EFCAB11: variants seen among roughly 807,000 people sequenced by gnomAD.
EFCAB11 encodes EF-hand calcium binding domain 11.
EFCAB11 carries 14 observed loss-of-function variants against 23.0 expected under a neutral mutation model. The observed-to-expected ratio is 0.61, with a 90% CI of 0.40 to 0.95. The LOEUF (loss-of-function observed/expected upper bound fraction) is 0.95. Among genes scored for constraint, EFCAB11 ranks in the 40% least tolerant of loss-of-function variants. EFCAB11 has a pLI of 0.00. For missense variants in EFCAB11, 198 were observed against 195.8 expected (o/e 1.01, Z -0.07); for synonymous variants, 65 against 66.6 (o/e 0.98, Z 0.11).
chr14:89,845,802 T>G (rs1323404066), intron 5 of EFCAB11, among the ~76,000 whole-genome samples: 3 of 152,174 alleles, frequency 2.0e-5, no homozygotes, highest in East Asian at 1.9e-4. Context: ...GAGACGGATG[T>G]GCAGTCGGGA....
intron 5 of EFCAB11, among the ~76,000 whole-genome samples, chr14:89,818,917 G>C (rs1886418963): frequency 6.6e-6 from 1 of 152,190 alleles, no homozygotes; most frequent in African/African-American, 2.4e-5. Flanking sequence ...TTCACTGCTG[G>C]TAGAAATGAA....
At chr14:89,908,773 G>A (rs1889572795) in intron 5 of EFCAB11, among the ~76,000 whole-genome samples, 1 of 152,098 alleles carries the variant, frequency 6.6e-6, no homozygotes, top group South Asian at 2.1e-4. Flanking sequence ...CAATTGTGAA[G>A]TATCTAGGAT....
chr14:89,937,361 C>G (rs1434138953), intron 3 of EFCAB11, among the ~76,000 whole-genome samples: 1 of 152,086 alleles, frequency 6.6e-6, no homozygotes, highest in East Asian at 1.9e-4. Flanking sequence ...AATGTGTCCC[C>G]AAAGGATCTA....
intron 4 of EFCAB11, among the ~76,000 whole-genome samples, 162 bp downstream of exon 4, chr14:89,932,364 G>A (rs917416383): frequency 2.3e-4 from 35 of 152,100 alleles, no homozygotes; most frequent in African/African-American, 8.0e-4. Context: ...AAGAAATCAC[G>A]ACGGAGAAAA....
chr14:89,933,971 T>G (rs748014099), intron 3 of EFCAB11, among the ~76,000 whole-genome samples: 6 of 152,118 alleles, frequency 3.9e-5, no homozygotes, highest in Non-Finnish European at 7.3e-5. Context: ...GAACAGCCTG[T>G]GCCGAGGCTG....
intron 3 of EFCAB11, among the ~76,000 whole-genome samples, chr14:89,939,665 T>C (rs1368068785): frequency 1.3e-5 from 2 of 152,248 alleles, no homozygotes; most frequent in Non-Finnish European, 2.9e-5. Context: ...TTATAGGTTT[T>C]CTTGCCTATA....
chr14:89,876,463 C>A (rs1027311558), intron 5 of EFCAB11, among the ~76,000 whole-genome samples: 1 of 152,042 alleles, frequency 6.6e-6, no homozygotes, highest in Non-Finnish European at 1.5e-5. Context: ...AAAATGTGCA[C>A]ATGATTATAT....
At chr14:89,946,238 T>C (rs1890979610) in intron 3 of EFCAB11, among the ~76,000 whole-genome samples, 1 of 152,168 alleles carries the variant, frequency 6.6e-6, no homozygotes, top group African/African-American at 2.4e-5. Flanking sequence ...TTAATTCCCT[T>C]AATGAACTGG....
intron 5 of EFCAB11, chr14:89,830,336 G>A (rs748159463): frequency 1.3e-5 from 2 of 152,050 alleles, no homozygotes; most frequent in African/African-American, 4.8e-5. Flanking sequence ...TTGCTTACAC[G>A]CATACTTTCA....
intron 5 of EFCAB11, among the ~76,000 whole-genome samples, chr14:89,855,087 G>A (rs1052921810): frequency 3.3e-5 from 5 of 152,074 alleles, no homozygotes; most frequent in African/African-American, 1.2e-4. Context: ...TTTTAGGCAT[G>A]AGGAAATTTC....
At chr14:89,950,641 T>C (rs1228769609) in intron 2 of EFCAB11, among the ~76,000 whole-genome samples, 1 of 152,202 alleles carries the variant, frequency 6.6e-6, no homozygotes, top group Non-Finnish European at 1.5e-5. Flanking sequence ...AATCAGCTTT[T>C]TTCCCCTATG....
intron 2 of EFCAB11, 87 bp from the exon 3 acceptor site, chr14:89,950,229 T>A: frequency 7.2e-7 from 1 of 1,381,584 alleles, no homozygotes; most frequent in South Asian, 1.3e-5. Context: ...GGAATAAGGA[T>A]CTATTTTATG....
intron 2 of EFCAB11, among the ~76,000 whole-genome samples, chr14:89,950,536 C>T (rs1891132255): frequency 6.6e-6 from 1 of 152,008 alleles, no homozygotes. Flanking sequence ...AAAAGTATCA[C>T]ATGATTGATG....
At chr14:89,945,032 T>G (rs1262589964) in intron 3 of EFCAB11, among the ~76,000 whole-genome samples, 1 of 144,684 alleles carries the variant, frequency 6.9e-6, no homozygotes, top group Non-Finnish European at 1.5e-5. Flanking sequence ...TAATAAAATA[T>G]TAGATTTTAT....
At chr14:89,835,519 G>A (rs967760039) in intron 5 of EFCAB11, among the ~76,000 whole-genome samples, 6 of 151,602 alleles carry the variant, frequency 4.0e-5, no homozygotes, top group Middle Eastern at 3.4e-3. Context: ...CACTTGTGGC[G>A]TCAGATCAGC....
chr14:89,923,192 A>G (rs1039493672), intron 5 of EFCAB11: 1 of 152,234 alleles, frequency 6.6e-6, no homozygotes, highest in Non-Finnish European at 1.5e-5. Flanking sequence ...TCATACTGGT[A>G]AAAAGAGACA....
chr14:89,895,282 A>G lies in EFCAB11; in HGVS notation c.410+36259T>C, dbSNP rs565998545. Among the ~76,000 whole-genome samples the G allele has an allele frequency of 1.6e-4, 25 of 152,390 alleles. No homozygotes were observed. In the South Asian group the frequency reaches 5.2e-3, roughly 32 times the overall value. On this transcript the variant is annotated intron_variant, in intron 5 of 5. Coordinates refer to ENST00000316738, the MANE Select transcript of EFCAB11 (RefSeq NM_145231.4). ...GGAAGACAATATTATTAAGATGTCAACTTTCCAGAAATTCATCTGTAAAGT... is the reference window on the plus strand; with the variant it reads ...GGAAGACAATATTATTAAGATGTCAGCTTTCCAGAAATTCATCTGTAAAGT...
intron 5 of EFCAB11, chr14:89,892,242 G>A (rs1888995113): frequency 1.3e-5 from 21 of 1,611,180 alleles, no homozygotes; most frequent in Non-Finnish European, 1.7e-5. Context: ...GCCTCCCTGG[G>A]CATGGCCTTC....
intron 5 of EFCAB11, among the ~76,000 whole-genome samples, chr14:89,889,727 G>C (rs1888902863): frequency 6.6e-6 from 1 of 152,254 alleles, no homozygotes; most frequent in Non-Finnish European, 1.5e-5. Context: ...GAATGCCAGT[G>C]TGATCAGCCC....
Sources: allele counts gnomAD v4.1 joint callset (sites outside exome capture counted in the v4.1 genomes callset), GRCh38; gene constraint gnomAD v4.1.1; transcripts MANE v1.5; gene names NCBI Gene and HGNC (gene_info 2026-07-23, HGNC 2026-07-21).